The following KIAA0319 variants were observed in gnomAD, a reference collection of about 807,000 sequenced individuals.
KIAA0319 encodes the protein dyslexia-associated protein KIAA0319.
KIAA0319 carries 83 observed loss-of-function variants against 108.4 expected under a neutral mutation model. The ratio of observed to expected loss-of-function variants is 0.77; its 90% CI spans 0.64 to 0.92. The LOEUF is 0.92. KIAA0319 is among the 40% of genes least tolerant of loss of function. The pLI, the probability that KIAA0319 is intolerant of heterozygous loss-of-function variation, is 0.00. For missense variants in KIAA0319, 1,195 were observed against 1,322.4 expected, an observed-to-expected ratio of 0.90 and a Z score of 1.49; for synonymous variants, 484 against 510.4, an observed-to-expected ratio of 0.95 and a Z score of 0.70.
downstream of KIAA0319, among the ~76,000 whole-genome samples, chr6:24,542,660 A>G (rs1195637987): frequency 6.6e-6 from 1 of 152,220 alleles, no homozygotes; most frequent in African/African-American, 2.4e-5. Flanking sequence ...CACTGCAGTG[A>G]GCCGTGATGG....
At chr6:24,570,227 A>C (rs910156447) in intron 11 of KIAA0319, among the ~76,000 whole-genome samples, 192 bp from the exon 12 acceptor site, 7 of 152,240 alleles carry the variant, frequency 4.6e-5, no homozygotes, top group African/African-American at 1.7e-4. Flanking sequence ...TCCAAGTTCA[A>C]GACTGCTGTT....
chr6:24,631,282 G>A (rs937348835), intron 1 of KIAA0319, among the ~76,000 whole-genome samples: 2 of 152,292 alleles, frequency 1.3e-5, no homozygotes, highest in South Asian at 4.1e-4. Context: ...GGTGAATGCA[G>A]GCCATGGGTC....
chr6:24,644,953 A>C, intron 1 of KIAA0319, among the ~76,000 whole-genome samples: 1 of 152,246 alleles, frequency 6.6e-6, no homozygotes, highest in African/African-American at 2.4e-5. Flanking sequence ...AAAAAAGCAC[A>C]AAATAAAAGT....
chr6:24,609,097 G>A (rs941798677), intron 1 of KIAA0319, among the ~76,000 whole-genome samples: 16 of 150,570 alleles, frequency 1.1e-4, no homozygotes, highest in African/African-American at 1.9e-4. Context: ...TCAAAACCCC[G>A]TCTCTACTAA....
At chr6:24,595,352 C>G (rs1454568232) in intron 3 of KIAA0319, among the ~76,000 whole-genome samples, 1 of 151,960 alleles carries the variant, frequency 6.6e-6, no homozygotes, top group African/African-American at 2.4e-5. Flanking sequence ...CTAGACCATC[C>G]TGGCTAACAT....
At chr6:24,590,829 C>G (rs558118260) in intron 3 of KIAA0319, among the ~76,000 whole-genome samples, 2 of 152,268 alleles carry the variant, frequency 1.3e-5, no homozygotes, top group African/African-American at 4.8e-5. Flanking sequence ...TTCAGTAATC[C>G]ACCCACAACC....
intron 11 of KIAA0319, among the ~76,000 whole-genome samples, chr6:24,570,732 C>G (rs1280887442): frequency 4.0e-5 from 6 of 150,812 alleles, no homozygotes; most frequent in Non-Finnish European, 8.9e-5. Context: ...AAAGGGACAT[C>G]ACAGAGAGGG....
At position 24,576,547 on chromosome 6, in the gene KIAA0319, G is replaced by A. The variant is rs1343123717; in HGVS notation, c.1555C>T (p.Leu519=). 6.2e-7 allele frequency: 1 copy of A among 1,614,042 alleles called. No individual in the cohort carries two copies. Among genetic ancestry groups the A allele is most frequent in the Non-Finnish European group, 8.5e-7 (1 of 1,180,018 alleles). The part of the protein sequence containing the change: ...DGATNSTTAA[L]IVNNAVDYPP... ...TAGTCCACAGCATTGTTCACTATTA[G>A]GGCTGCAGTTGTAGAGTTAGTGGCT... The change falls in exon 10 of 21, where the codon CTA becomes TTA. Residue 519 remains leucine, a synonymous_variant. Transcript: ENST00000378214.
rs375379257 is a variant in KIAA0319 at position 24,581,033 on chromosome 6, T to G, written c.1192-20A>C. The stretch of plus-strand genomic sequence containing the variant: ...GGACAACTGTAACATAAAGAAAAGT[T>G]GTACAGTTCAACATGCAAGACGTGA... On this transcript the variant is annotated intron_variant, in intron 6 of 20. Coordinates refer to ENST00000378214, the MANE Select transcript of KIAA0319 (RefSeq NM_014809.4). 1.3e-6 allele frequency: 2 copies of G among 1,521,908 alleles called. No individual in the cohort carries two copies. Among genetic ancestry groups the G allele is most frequent in the Non-Finnish European group, 1.8e-6 (2 of 1,097,276 alleles). The allele number at this position is 1,521,908 out of a possible 1,614,324, so 94.3% of individuals were successfully genotyped here.
intron 6 of KIAA0319, among the ~76,000 whole-genome samples, chr6:24,581,987 T>C (rs1399984592): frequency 1.3e-5 from 2 of 151,884 alleles, no homozygotes; most frequent in Non-Finnish European, 2.9e-5. Flanking sequence ...CTACAAAAAA[T>C]ACAAAAAAAT....
In KIAA0319 at chr6:24,559,124, G is replaced by T. The variant is rs1416962118; in HGVS notation, c.2623C>A (p.Pro875Thr). 1 of 1,613,510 alleles carries T rather than the reference G, an allele frequency of 6.2e-7. No homozygotes were observed. ...TVIVFYVQSR[P>T]PFKVLKAAEV... The stretch of plus-strand genomic sequence containing the variant: ...GCAGCTTTGAGAACCTTGAAAGGCG[G>T]CCTGCTCTGTACATAAAACACAATC... Residue 875 changes from proline to threonine, a missense_variant, in exon 17 of 21, where the codon CCG becomes ACG. Transcript: ENST00000378214.
At chr6:24,629,791 A>G (rs1264591693) in intron 1 of KIAA0319, among the ~76,000 whole-genome samples, 1 of 152,212 alleles carries the variant, frequency 6.6e-6, no homozygotes, top group Non-Finnish European at 1.5e-5. Flanking sequence ...TTGGAGAGGT[A>G]CACCCCAGGA....
At chr6:24,588,831 G>C (rs771888348) in intron 3 of KIAA0319, 46 bp from the exon 4 acceptor site, 7 of 1,447,698 alleles carry the variant, frequency 4.8e-6, no homozygotes, top group Admixed American at 1.9e-5. Context: ...AAAAAAAACA[G>C]TCCAACTCTT....
chr6:24,630,382 G>A (rs1377532480), intron 1 of KIAA0319, among the ~76,000 whole-genome samples: 8 of 150,440 alleles, frequency 5.3e-5, no homozygotes, highest in East Asian at 2.0e-4. Flanking sequence ...GGTGACATGC[G>A]CCTGTAATCC....
chr6:24,591,772 T>A (rs1768512153), intron 3 of KIAA0319, among the ~76,000 whole-genome samples: 1 of 152,232 alleles, frequency 6.6e-6, no homozygotes, highest in South Asian at 2.1e-4. Context: ...GGTTTTGACT[T>A]GCATTTCCCT....
intron 12 of KIAA0319, 141 bp downstream of exon 12, chr6:24,569,762 G>T (rs577165886): frequency 2.1e-6 from 2 of 936,854 alleles, no homozygotes; most frequent in Non-Finnish European, 1.6e-6. Context: ...AATCAATAAC[G>T]CCCAGCCACT....
In KIAA0319 at chr6:24,583,737, A is replaced by G. The variant is rs60350164; in HGVS notation, c.995-35T>C. 3.6e-4 allele frequency: 466 copies of G among 1,305,482 alleles called. 1 individual carries two copies. The African/African-American group carries it at 6.3e-3, about 18-fold the overall frequency. The allele number at this position is 1,305,482 out of a possible 1,614,324, so 80.9% of individuals were successfully genotyped here. On this transcript the variant is annotated intron_variant, in intron 4 of 20. Transcript: ENST00000378214. ...AATTAGAAATAATACGTGCAATTATATAATATAATGTGTTACATTACTGCT... is the reference window on the plus strand; with the variant it reads ...AATTAGAAATAATACGTGCAATTATGTAATATAATGTGTTACATTACTGCT...
At chr6:24,612,789 G>A (rs1319976380) in intron 1 of KIAA0319, among the ~76,000 whole-genome samples, 6 of 151,918 alleles carry the variant, frequency 3.9e-5, no homozygotes, top group Non-Finnish European at 8.8e-5. Flanking sequence ...GAGGGCTCAG[G>A]GAGAATTTTT....
intron 20 of KIAA0319, among the ~76,000 whole-genome samples, chr6:24,548,624 G>T (rs1760984005): frequency 6.6e-6 from 1 of 152,188 alleles, no homozygotes; most frequent in Admixed American, 6.5e-5. Context: ...TTGAAGAAGA[G>T]ATTTTAGACA....
Sources: allele counts gnomAD v4.1 joint callset (sites outside exome capture counted in the v4.1 genomes callset), GRCh38; gene constraint gnomAD v4.1.1; transcripts MANE v1.5; gene names NCBI Gene and HGNC (gene_info 2026-07-23, HGNC 2026-07-21).